SIPA1L2: variants seen among roughly 807,000 people sequenced by gnomAD.
The protein encoded by SIPA1L2 is signal-induced proliferation-associated 1-like protein 2.
A neutral mutation model predicts 163.9 loss-of-function variants in SIPA1L2; 56 were observed. The observed-to-expected ratio is 0.34, with a 90% confidence interval of 0.28 to 0.43. SIPA1L2 has a LOEUF of 0.43. Ranked by LOEUF, SIPA1L2 falls within the 20% of genes least tolerant of loss-of-function variation. SIPA1L2 has a pLI of 1.00. For synonymous variants in SIPA1L2, 877 were observed against 865.7 expected (o/e 1.01, Z -0.23); for missense variants, 1,974 against 2,193.5 (o/e 0.90, Z 2.00).
chr1:232,598,670 C>T lies in SIPA1L2; in HGVS notation c.-318-24448G>A, dbSNP rs115251991. ...GAGCCCACTTCTCTGATTCACAGAA[C>T]GTCACCATCTTACATGGGTCTCTTC... On this transcript the variant is annotated intron_variant, in intron 1 of 22. Transcript: ENST00000674635. 3.3e-3 allele frequency among the ~76,000 whole-genome samples: 495 copies of T among 152,220 alleles called. 5 individuals carry two copies. The highest frequency in any genetic ancestry group is 0.011 in the African/African-American group (461 of 41,516).
rs954193069 is a variant in SIPA1L2 at position 232,564,406 on chromosome 1, C to G, written c.-270+9768G>C. On this transcript the variant is annotated intron_variant, in intron 2 of 22. Transcript: ENST00000674635. The stretch of plus-strand genomic sequence containing the variant: ...AAAGGTTTTTTAGACCCCATCAGGT[C>G]GACTGCTCAGGCCACAGAGGCAGAA... 3.3e-5 allele frequency among the ~76,000 whole-genome samples: 5 copies of G among 151,806 alleles called. No homozygotes were observed. The East Asian group carries it at 7.8e-4, about 24-fold the overall frequency.
chr1:232,409,850 G>T (rs1265106373), intron 19 of SIPA1L2, among the ~76,000 whole-genome samples: 1 of 152,154 alleles, frequency 6.6e-6, no homozygotes. Context: ...ATAAGCTATT[G>T]TTGTTTTTAG....
rs565731228 is a variant in SIPA1L2, at chr1:232,515,544, T to C, written c.-205A>G. On this transcript the variant is annotated 5_prime_UTR_variant, in exon 3 of 23. Transcript: ENST00000674635. ...CTTCTCTGTTGTCGTAATAATGTTG[T>C]ACGCCTCTGTTCTTTTCAAAAGCAT... is the stretch of plus-strand genomic sequence containing the variant. 3.6e-6 allele frequency: 2 copies of C among 549,512 alleles called. No homozygotes were observed. The highest frequency in any genetic ancestry group is 5.9e-5 in the South Asian group (2 of 34,114). The allele number at this position is 549,512 out of a possible 1,614,324, so 34.0% of individuals were successfully genotyped here. A position where few individuals can be genotyped will look rare whatever the true frequency, so the allele number is the denominator to read the frequency against.
chr1:232,583,299 A>G (rs1660482164), intron 1 of SIPA1L2, among the ~76,000 whole-genome samples: 1 of 152,240 alleles, frequency 6.6e-6, no homozygotes, highest in African/African-American at 2.4e-5. Context: ...CTATCCAGGA[A>G]AAAAACAGGA....
rs186061920 is a variant in SIPA1L2 at position 232,466,908 on chromosome 1, A to G, written c.2244-1492T>C. ...AGAGCACCCCAATTACTGAGTAGCT[A>G]CCACAGACCAAGAATCTGTATTAAT... On this transcript the variant is annotated intron_variant, in intron 8 of 22. Transcript: ENST00000674635. Among the ~76,000 whole-genome samples the G allele has an allele frequency of 1.8e-3, 268 of 152,368 alleles. 1 individual carries two copies. The highest frequency in any genetic ancestry group is 3.2e-3 in the Non-Finnish European group (220 of 68,034).
intron 2 of SIPA1L2, among the ~76,000 whole-genome samples, chr1:232,530,511 C>T (rs1315500934): frequency 6.6e-6 from 1 of 151,986 alleles, no homozygotes; most frequent in Non-Finnish European, 1.5e-5. Context: ...AAGCGTAGTA[C>T]AACTAGAAAG....
intron 15 of SIPA1L2, among the ~76,000 whole-genome samples, chr1:232,433,045 C>T (rs1299427434): frequency 6.6e-6 from 1 of 152,138 alleles, no homozygotes; most frequent in Non-Finnish European, 1.5e-5. Flanking sequence ...CAATCCCACT[C>T]CAAGGGCGCA....
Position 232,464,896 on chromosome 1 carries a change from G to A in SIPA1L2, c.2764C>T (p.Leu922=). 1 of 1,614,010 alleles carries A rather than the reference G, an allele frequency of 6.2e-7. No homozygotes were observed. Among genetic ancestry groups the A allele is most frequent in the South Asian group, 1.1e-5 (1 of 91,036 alleles). The change falls in exon 9 of 23, where the codon CTG becomes TTG. Residue 922 remains leucine, a synonymous_variant. Coordinates refer to ENST00000674635, the MANE Select transcript of SIPA1L2 (RefSeq NM_020808.5). The part of the protein sequence containing the change: ...VFYERGECVL[L]SSVDNCAEDI... Reference sequence around the variant, plus strand: ...TCAGCACAGTTGTCTACCGAGGACAGGAGGACACATTCTCCTCTTTCGTAA... The same window carrying A: ...TCAGCACAGTTGTCTACCGAGGACAAGAGGACACATTCTCCTCTTTCGTAA...
At chr1:232,407,891 AAG>A (rs1192281318) in intron 19 of SIPA1L2, among the ~76,000 whole-genome samples, 4 of 152,194 alleles carry the variant, frequency 2.6e-5, no homozygotes, top group Non-Finnish European at 5.9e-5. Context: ...AGAGCTTTTG[AAG>A]AGACTCCACT....
chr1:232,594,848 G>A (rs1661170914), intron 1 of SIPA1L2, among the ~76,000 whole-genome samples: 3 of 152,076 alleles, frequency 2.0e-5, no homozygotes, highest in African/African-American at 7.2e-5. Context: ...CAGGTCTCAG[G>A]CAGGCCAGTG....
chr1:232,555,058 C>G (rs1021625890), intron 2 of SIPA1L2, among the ~76,000 whole-genome samples: 3 of 152,186 alleles, frequency 2.0e-5, no homozygotes, highest in Admixed American at 6.5e-5. Flanking sequence ...GATGCTTTTA[C>G]TTTAAAATCA....
chr1:232,605,945 A>C (rs1230640467), intron 1 of SIPA1L2, among the ~76,000 whole-genome samples: 1 of 152,232 alleles, frequency 6.6e-6, no homozygotes, highest in Non-Finnish European at 1.5e-5. Flanking sequence ...GCTGTAGCAC[A>C]CACAGCACAT....
chr1:232,594,218 A>G (rs1420119388), intron 1 of SIPA1L2, among the ~76,000 whole-genome samples: 1 of 152,184 alleles, frequency 6.6e-6, no homozygotes, highest in African/African-American at 2.4e-5. Flanking sequence ...CTGATAACAT[A>G]AGAAGTGAAG....
intron 15 of SIPA1L2, among the ~76,000 whole-genome samples, chr1:232,438,465 A>G (rs1250784765): frequency 6.6e-6 from 1 of 152,250 alleles, no homozygotes; most frequent in Non-Finnish European, 1.5e-5. Flanking sequence ...CAAATTAGGT[A>G]TTTTAAAACC....
chr1:232,598,041 A>T (rs1253725593), intron 1 of SIPA1L2, among the ~76,000 whole-genome samples: 2 of 152,236 alleles, frequency 1.3e-5, no homozygotes, highest in African/African-American at 4.8e-5. Flanking sequence ...CCTGGCCATG[A>T]TCTCTTAATT....
In SIPA1L2 at chr1:232,402,415, G is replaced by A; in HGVS notation, c.4999C>T (p.Gln1667Ter). 6.2e-7 allele frequency: 1 copy of A among 1,613,644 alleles called. No homozygotes were observed. The highest frequency in any genetic ancestry group is 8.5e-7 in the Non-Finnish European group (1 of 1,179,616). ...ACCTTCCGAAGGTCGGTCTGGAGTT[G>A]TCGAAGAATTAATTCCAGCTGATTG... ...KVNQLELILR[Q>*]LQTDLRKEKQ... The change falls in exon 22 of 23, where the codon CAA becomes TAA. Residue 1667 changes from glutamine (Q) to a stop codon, truncating the protein, a stop_gained. Coordinates refer to ENST00000674635, the MANE Select transcript of SIPA1L2 (RefSeq NM_020808.5). LOFTEE classifies it high-confidence loss of function.
At chr1:232,475,343 G>A (rs1417599003) in intron 7 of SIPA1L2, among the ~76,000 whole-genome samples, 1 of 152,116 alleles carries the variant, frequency 6.6e-6, no homozygotes, top group African/African-American at 2.4e-5. Flanking sequence ...CAGAGGGTTG[G>A]CTTTTCCTCT....
chr1:232,555,709 TG>T (rs1405438706), intron 2 of SIPA1L2, among the ~76,000 whole-genome samples: 1 of 152,224 alleles, frequency 6.6e-6, no homozygotes, highest in Non-Finnish European at 1.5e-5. Context: ...ACGGAGCCTA[TG>T]CAGTCTTTGG....
chr1:232,450,179 C>T (rs1008945092), intron 10 of SIPA1L2, among the ~76,000 whole-genome samples: 4 of 152,106 alleles, frequency 2.6e-5, no homozygotes, highest in African/African-American at 9.7e-5. Context: ...TAAAATTCAC[C>T]TCTCTTATTT....
Sources: allele counts gnomAD v4.1 joint callset (sites outside exome capture counted in the v4.1 genomes callset), GRCh38; gene constraint gnomAD v4.1.1; transcripts MANE v1.5; gene names NCBI Gene and HGNC (gene_info 2026-07-23, HGNC 2026-07-21).